Variants in BICDL1 observed in about 807,000 individuals in gnomAD.
BICDL1 encodes BICD family-like cargo adapter 1.
BICDL1 carries 20 observed loss-of-function variants against 76.8 expected under a neutral mutation model. The ratio of observed to expected loss-of-function variants is 0.26; its 90% CI spans 0.18 to 0.38. The LOEUF (loss-of-function observed/expected upper bound fraction) is 0.38. BICDL1 is among the 10% of genes least tolerant of loss of function. The probability of loss-of-function intolerance (pLI) is 1.00; values close to 1 mark genes in which losing one functional copy is unlikely to be tolerated. For missense variants in BICDL1, 700 were observed against 798.6 expected, an observed-to-expected ratio of 0.88 and a Z score of 1.49; for synonymous variants, 383 against 337.1, an observed-to-expected ratio of 1.14 and a Z score of -1.49.
At chr12:120,010,007 T>C in intron 2 of BICDL1, among the ~76,000 whole-genome samples, 1 of 147,088 alleles carries the variant, frequency 6.8e-6, no homozygotes, top group East Asian at 1.9e-4. Context: ...CTTGAATGTG[T>C]TTTTAAAATT....
intron 5 of BICDL1, 53 bp from the exon 6 acceptor site, chr12:120,072,458 A>T: frequency 6.5e-7 from 1 of 1,541,014 alleles, no homozygotes; most frequent in Non-Finnish European, 9.0e-7. Flanking sequence ...AAAGATGGCC[A>T]GGTAGCAGTC....
At chr12:120,028,631 G>A (rs762760385) in intron 2 of BICDL1, among the ~76,000 whole-genome samples, 2 of 152,102 alleles carry the variant, frequency 1.3e-5, no homozygotes, top group South Asian at 2.1e-4. Context: ...AGATGAGATC[G>A]CCCACTGCAC....
In BICDL1 at chr12:120,003,175, A is replaced by T. The variant is rs534530640; in HGVS notation, c.645+4439A>T. On this transcript the variant is annotated intron_variant, in intron 2 of 9. Transcript: ENST00000548673. ...CCCATCTTTAAAAAAAAAAAAAAAA[A>T]ACAGTCGGTAGGGAAGGCTTCTGTG... Among the ~76,000 whole-genome samples, 400 of 145,784 alleles carry T rather than the reference A, an allele frequency of 2.7e-3. 2 individuals are homozygous for T. Among genetic ancestry groups the T allele is most frequent in the Middle Eastern group, 7.1e-3 (2 of 282 alleles).
At chr12:120,034,223 C>T (rs963730030) in intron 2 of BICDL1, among the ~76,000 whole-genome samples, 8 of 152,208 alleles carry the variant, frequency 5.3e-5, no homozygotes, top group African/African-American at 1.7e-4. Flanking sequence ...TGGATGAGAT[C>T]TGCCATCTGT....
chr12:120,044,239 T>C (rs143943352), intron 2 of BICDL1, among the ~76,000 whole-genome samples: 3 of 152,344 alleles, frequency 2.0e-5, no homozygotes, highest in East Asian at 3.9e-4. Context: ...AACAAGAACA[T>C]TTTAACTTTG....
chr12:120,082,037 T>C (rs2138989935), intron 8 of BICDL1, among the ~76,000 whole-genome samples: 1 of 152,314 alleles, frequency 6.6e-6, no homozygotes, highest in South Asian at 2.1e-4. Context: ...TAAATATCTT[T>C]TGATAACTGA....
At chr12:120,062,433 C>T (rs950933141) in intron 3 of BICDL1, among the ~76,000 whole-genome samples, 1 of 152,082 alleles carries the variant, frequency 6.6e-6, no homozygotes, top group Non-Finnish European at 1.5e-5. Context: ...AACCAGGCCT[C>T]CCCCTAGGGG....
At chr12:120,005,232 G>T (rs146896498) in intron 2 of BICDL1, among the ~76,000 whole-genome samples, 99 of 152,276 alleles carry the variant, frequency 6.5e-4, no homozygotes, top group African/African-American at 2.3e-3. Flanking sequence ...CAGTACAAAT[G>T]TTCAGTGAAA....
chr12:120,006,374 T>A (rs575494891), intron 2 of BICDL1, among the ~76,000 whole-genome samples: 4 of 152,240 alleles, frequency 2.6e-5, no homozygotes, highest in African/African-American at 9.6e-5. Flanking sequence ...CAAATACTTA[T>A]AATGTGCACC....
At position 120,094,382 on chromosome 12, in the gene BICDL1, G is replaced by A. The variant is rs1566277978; in HGVS notation, c.*1221G>A. 2.3e-6 allele frequency: 1 copy of A among 430,784 alleles called. No individual in the cohort carries two copies. Among genetic ancestry groups the A allele is most frequent in the Non-Finnish European group, 4.7e-6 (1 of 211,382 alleles). The allele number at this position is 430,784 out of a possible 1,614,324, so 26.7% of individuals were successfully genotyped here. ...GTAGCAATCATGTAAATACATGTAT[G>A]GATTTTATAATATACATATATAAAA... On this transcript the variant is annotated 3_prime_UTR_variant, in exon 10 of 10. Transcript: ENST00000548673.
At chr12:120,082,403 C>T (rs994148801) in intron 8 of BICDL1, among the ~76,000 whole-genome samples, 5 of 151,850 alleles carry the variant, frequency 3.3e-5, no homozygotes, top group East Asian at 1.9e-4. Flanking sequence ...CAGGTACACA[C>T]TACCACACCT....
intron 2 of BICDL1, among the ~76,000 whole-genome samples, chr12:120,018,115 A>G (rs929560840): frequency 9.2e-5 from 14 of 152,212 alleles, no homozygotes; most frequent in African/African-American, 2.7e-4. Context: ...CTGATTGCAT[A>G]TTAGAATCAC....
chr12:120,020,931 G>A (rs1392809412), intron 2 of BICDL1, among the ~76,000 whole-genome samples: 1 of 151,704 alleles, frequency 6.6e-6, no homozygotes, highest in African/African-American at 2.4e-5. Flanking sequence ...TGCTGGATTT[G>A]GCCATCTTTG....
intron 1 of BICDL1, among the ~76,000 whole-genome samples, chr12:119,991,567 ATTGT>A (rs1951523921): frequency 6.6e-6 from 1 of 152,182 alleles, no homozygotes; most frequent in Admixed American, 6.5e-5. Flanking sequence ...AATGAATTGA[ATTGT>A]TTAATTTTCA....
At chr12:120,068,319 A>G (rs1872809771) in intron 4 of BICDL1, among the ~76,000 whole-genome samples, 1 of 152,234 alleles carries the variant, frequency 6.6e-6, no homozygotes, top group Non-Finnish European at 1.5e-5. Context: ...GTTCTCCCCC[A>G]CACCACCACT....
intron 1 of BICDL1, among the ~76,000 whole-genome samples, chr12:119,996,095 A>C (rs564716291): frequency 6.6e-6 from 1 of 152,252 alleles, no homozygotes; most frequent in African/African-American, 2.4e-5. Flanking sequence ...TTCTTTTCCC[A>C]CATTGCCCCA....
intron 2 of BICDL1, among the ~76,000 whole-genome samples, chr12:120,009,539 T>C (rs1404166534): frequency 6.6e-6 from 1 of 152,238 alleles, no homozygotes; most frequent in Non-Finnish European, 1.5e-5. Flanking sequence ...CCTTGAAATC[T>C]GGATTCACTC....
intron 2 of BICDL1, among the ~76,000 whole-genome samples, chr12:120,002,831 A>G (rs1039977887): frequency 1.3e-5 from 2 of 152,178 alleles, no homozygotes; most frequent in Non-Finnish European, 2.9e-5. Context: ...GAGACTGACT[A>G]GAAAGCAGGG....
At chr12:120,008,150 CTTTTTTTTTTT>C (rs71072590) in intron 2 of BICDL1, among the ~76,000 whole-genome samples, 1 of 61,728 alleles carries the variant, frequency 1.6e-5, no homozygotes, top group East Asian at 6.8e-4. Context: ...ATTACTCTTT[CTTTTTTTTTTT>C]TTTTTTTTTT....
Sources: gnomAD v4.1 joint callset for allele counts (sites outside exome capture counted in the v4.1 genomes callset) on GRCh38, gnomAD v4.1.1 for gene constraint, MANE v1.5 for transcripts, NCBI Gene and HGNC (gene_info 2026-07-23, HGNC 2026-07-21) for gene names.